Variants in SDC2 observed in about 807,000 individuals in gnomAD.
SDC2 encodes syndecan 2.
Under a neutral mutation model 22.2 loss-of-function variants are expected in SDC2, and 13 were observed. That is an observed-to-expected ratio of 0.59 (90% CI 0.38 to 0.93). The LOEUF is 0.93. SDC2 is among the 40% of genes least tolerant of loss of function. SDC2 has a pLI of 0.00. For synonymous variants in SDC2, 94 were observed against 92.8 expected (o/e 1.01, Z -0.07); for missense variants, 235 against 246.8 (o/e 0.95, Z 0.32).
chr8:96,534,071 C>G (rs1343591487), intron 1 of SDC2, among the ~76,000 whole-genome samples: 1 of 152,218 alleles, frequency 6.6e-6, no homozygotes, highest in Non-Finnish European at 1.5e-5. Context: ...CCCTCACTGC[C>G]CGGGGCCGGC....
At chr8:96,557,712 A>C (rs1438297309) in intron 1 of SDC2, among the ~76,000 whole-genome samples, 5 of 152,148 alleles carry the variant, frequency 3.3e-5, no homozygotes, top group Admixed American at 3.3e-4. Context: ...CCAGCATGGC[A>C]CATGTATACA....
chr8:96,606,829 G>A (rs1353878776), intron 3 of SDC2, among the ~76,000 whole-genome samples: 1 of 152,156 alleles, frequency 6.6e-6, no homozygotes, highest in Non-Finnish European at 1.5e-5. Flanking sequence ...GCTTCATTAA[G>A]GACAAACAGA....
At chr8:96,541,937 A>C (rs1467836092) in intron 1 of SDC2, among the ~76,000 whole-genome samples, 2 of 152,198 alleles carry the variant, frequency 1.3e-5, no homozygotes, top group East Asian at 3.8e-4. Flanking sequence ...ACTGAAACAA[A>C]GGCCCTCAGC....
At chr8:96,509,489 T>C (rs1813297530) in intron 1 of SDC2, among the ~76,000 whole-genome samples, 1 of 141,778 alleles carries the variant, frequency 7.1e-6, no homozygotes, top group African/African-American at 2.5e-5. Context: ...GGAGGAGGCA[T>C]TTTGGTTTCT....
chr8:96,509,648 G>C (rs970970072), intron 1 of SDC2, among the ~76,000 whole-genome samples: 5 of 96,308 alleles, frequency 5.2e-5, no homozygotes, highest in African/African-American at 1.6e-4. Flanking sequence ...ATGTGGTTGG[G>C]GTCCAGCTCC....
At chr8:96,579,706 C>A (rs1470577841) in intron 1 of SDC2, among the ~76,000 whole-genome samples, 2 of 152,152 alleles carry the variant, frequency 1.3e-5, no homozygotes, top group Non-Finnish European at 2.9e-5. Context: ...ATAAGAGTTG[C>A]AGAGTTTTAA....
At chr8:96,541,475 C>T (rs1813848177) in intron 1 of SDC2, among the ~76,000 whole-genome samples, 2 of 147,776 alleles carry the variant, frequency 1.4e-5, no homozygotes, top group East Asian at 4.0e-4. Context: ...CCACAATACT[C>T]CAGCCCGGTG....
chr8:96,535,206 A>T lies in SDC2; in HGVS notation c.60+40875A>T, dbSNP rs535135756. ...GTATTTTTAGTAGAGATGGGGTTTC[A>T]CCATGTTGGCCAGGCTGGTCTTAGA... On this transcript the variant is annotated intron_variant, in intron 1 of 4. Transcript: ENST00000302190. Among the ~76,000 whole-genome samples the T allele has an allele frequency of 2.0e-5, 3 of 152,112 alleles. No homozygotes were observed. In the South Asian group the frequency reaches 6.2e-4, roughly 32 times the overall value.
At chr8:96,527,269 G>A (rs1813592516) in intron 1 of SDC2, among the ~76,000 whole-genome samples, 2 of 152,102 alleles carry the variant, frequency 1.3e-5, no homozygotes, top group African/African-American at 4.8e-5. Context: ...TTTTGCTATA[G>A]GGGAAACACT....
chr8:96,560,112 G>A lies in SDC2; in HGVS notation c.61-33368G>A, dbSNP rs75024186. ...TTTTCATCACCTCCCTGAAAAACCT[G>A]TGTCCATTAGCAGTCACCCCTACCC... is the stretch of plus-strand genomic sequence containing the variant. On this transcript the variant is annotated intron_variant, in intron 1 of 4. Transcript: ENST00000302190. 8.5e-3 allele frequency among the ~76,000 whole-genome samples: 1,293 copies of A among 152,204 alleles called. 9 individuals are homozygous for A. Among genetic ancestry groups the A allele is most frequent in the Middle Eastern group, 0.024 (7 of 294 alleles).
chr8:96,588,880 A>G (rs530394197), intron 1 of SDC2, among the ~76,000 whole-genome samples: 186 of 152,360 alleles, frequency 1.2e-3, no homozygotes, highest in African/African-American at 4.3e-3. Context: ...GAATTTCTAA[A>G]TAACAGATTT....
chr8:96,576,860 T>A (rs911901494), intron 1 of SDC2, among the ~76,000 whole-genome samples: 3 of 152,208 alleles, frequency 2.0e-5, no homozygotes, highest in African/African-American at 7.2e-5. Flanking sequence ...CTAAGAAAGT[T>A]AATGGTGAAT....
intron 1 of SDC2, among the ~76,000 whole-genome samples, chr8:96,507,543 A>G (rs1813260931): frequency 6.6e-6 from 1 of 152,224 alleles, no homozygotes. Flanking sequence ...TGAGATTTGG[A>G]AGACCCAGAG....
At chr8:96,496,941 G>GA (rs1396460509) in intron 1 of SDC2, among the ~76,000 whole-genome samples, 3 of 152,194 alleles carry the variant, frequency 2.0e-5, no homozygotes, top group African/African-American at 4.8e-5. Flanking sequence ...CAGGCAAGGG[G>GA]AAAATCTGAC....
chr8:96,567,526 C>T (rs766293200), intron 1 of SDC2, among the ~76,000 whole-genome samples: 7 of 152,152 alleles, frequency 4.6e-5, no homozygotes, highest in Admixed American at 6.5e-5. Context: ...TCTGAGTCTC[C>T]AGTGTCCACC....
At chr8:96,589,980 A>T (rs1254405823) in intron 1 of SDC2, among the ~76,000 whole-genome samples, 1 of 152,228 alleles carries the variant, frequency 6.6e-6, no homozygotes. Flanking sequence ...GGGTTTACAC[A>T]ACTGAATCAG....
intron 3 of SDC2, among the ~76,000 whole-genome samples, chr8:96,607,681 C>T (rs1277175182): frequency 6.6e-6 from 1 of 151,980 alleles, no homozygotes; most frequent in Non-Finnish European, 1.5e-5. Flanking sequence ...GTGCAGTGTC[C>T]GAGACCCAGT....
At chr8:96,576,690 A>C (rs1814510533) in intron 1 of SDC2, among the ~76,000 whole-genome samples, 1 of 151,128 alleles carries the variant, frequency 6.6e-6, no homozygotes, top group African/African-American at 2.4e-5. Flanking sequence ...AAGTGTTGGG[A>C]TTACAGGCGT....
intron 1 of SDC2, among the ~76,000 whole-genome samples, chr8:96,583,059 A>ATTTT (rs60193555): frequency 9.3e-6 from 1 of 107,274 alleles, no homozygotes; most frequent in Admixed American, 9.8e-5. Flanking sequence ...CTGAAGTGTG[A>ATTTT]TTTTTTTTTT....
Sources: allele counts gnomAD v4.1 joint callset (sites outside exome capture counted in the v4.1 genomes callset), GRCh38; gene constraint gnomAD v4.1.1; transcripts MANE v1.5; gene names NCBI Gene and HGNC (gene_info 2026-07-23, HGNC 2026-07-21).